BTBD10: variants seen among roughly 807,000 people sequenced by gnomAD.
BTBD10 encodes BTB/POZ domain-containing protein 10.
Under a neutral mutation model 53.2 loss-of-function variants are expected in BTBD10, and 21 were observed. The observed-to-expected ratio is 0.39, with a 90% CI of 0.28 to 0.57. The LOEUF (loss-of-function observed/expected upper bound fraction) is 0.57. Among genes scored for constraint, BTBD10 ranks in the 20% least tolerant of loss-of-function variants. The pLI is 0.53. For synonymous variants in BTBD10, 149 were observed against 192.7 expected (o/e 0.77, Z 1.88); for missense variants, 360 against 594.7 (o/e 0.61, Z 4.10).
At position 13,421,659 on chromosome 11, in the gene BTBD10, G is replaced by A. The variant is rs776567195; in HGVS notation, c.281C>T (p.Thr94Ile). The change falls in exon 3 of 9, where the codon ACA becomes ATA. Residue 94 changes from threonine (T) to isoleucine (I), a missense_variant. Thr to Ile is a moderately conservative substitution (Grantham distance 89, BLOSUM62 -1). This residue lies in a region of BTBD10 where 109 missense variants were observed against 118.6 expected (regional missense o/e 0.92). Coordinates refer to ENST00000278174, the MANE Select transcript of BTBD10 (RefSeq NM_032320.7). ...TPCIRNVTSP[T>I]RQHHVEREKD... ...TTACATACCAACATGGTGCTGTCGT[G>A]TTGGAGAAGTCACATTTCTAATACA... is the stretch of plus-strand genomic sequence containing the variant. 1 of 1,613,484 alleles carries A rather than the reference G, an allele frequency of 6.2e-7. No homozygotes were observed. The highest frequency in any genetic ancestry group is 8.5e-7 in the Non-Finnish European group (1 of 1,179,778).
At chr11:13,455,609 T>C (rs1260713347) in intron 1 of BTBD10, among the ~76,000 whole-genome samples, 2 of 152,174 alleles carry the variant, frequency 1.3e-5, no homozygotes, top group Non-Finnish European at 2.9e-5. Flanking sequence ...AATGTTTTAA[T>C]TTTCTACTAT....
At chr11:13,419,366 T>C in intron 4 of BTBD10, 94 bp downstream of exon 4, 1 of 1,469,418 alleles carries the variant, frequency 6.8e-7, no homozygotes, top group Non-Finnish European at 9.1e-7. Flanking sequence ...AATGTTACAT[T>C]TCAACAGAGA....
chr11:13,415,666 T>C (rs761516225), intron 5 of BTBD10, among the ~76,000 whole-genome samples: 3 of 152,154 alleles, frequency 2.0e-5, no homozygotes, highest in Non-Finnish European at 4.4e-5. Context: ...TGTACTTTTA[T>C]AGAATGTTAC....
At chr11:13,406,249 T>C (rs564248448) in intron 6 of BTBD10, among the ~76,000 whole-genome samples, 1 of 152,186 alleles carries the variant, frequency 6.6e-6, no homozygotes, top group South Asian at 2.1e-4. Flanking sequence ...AAAGGGTCAA[T>C]AGTCTTTAGA....
rs1376392288 is a variant in BTBD10 at position 13,388,512 on chromosome 11, T to C, written c.*319A>G. On this transcript the variant is annotated 3_prime_UTR_variant, in exon 9 of 9. Transcript: ENST00000278174. ...GATGAATATCAGTCCAAACTGAAAG[T>C]ACCCCAGCTGCCAATTTCCACCACT... 4.2e-6 allele frequency: 1 copy of C among 239,940 alleles called. No individual in the cohort carries two copies. The highest frequency in any genetic ancestry group is 4.9e-5 in the Admixed American group (1 of 20,258). The allele number at this position is 239,940 out of a possible 1,614,324, so 14.9% of individuals were successfully genotyped here.
At chr11:13,459,696 T>C (rs933949468) in intron 1 of BTBD10, 21 of 152,170 alleles carry the variant, frequency 1.4e-4, no homozygotes, top group African/African-American at 5.1e-4. Flanking sequence ...TCCATTTCCT[T>C]CTCCCTCATA....
chr11:13,395,317 G>GT (rs1172089020), intron 8 of BTBD10, among the ~76,000 whole-genome samples: 2 of 152,078 alleles, frequency 1.3e-5, no homozygotes, highest in African/African-American at 4.8e-5. Context: ...TTTTTCATGT[G>GT]TTTTTTGGCT....
At chr11:13,417,758 T>C (rs994970609) in intron 4 of BTBD10, among the ~76,000 whole-genome samples, 3 of 152,202 alleles carry the variant, frequency 2.0e-5, no homozygotes, top group Non-Finnish European at 2.9e-5. Flanking sequence ...ATCTTAACTA[T>C]AAATGTAACA....
intron 7 of BTBD10, 82 bp downstream of exon 7, chr11:13,405,577 T>C: frequency 1.4e-6 from 2 of 1,478,690 alleles, no homozygotes; most frequent in East Asian, 2.3e-5. Context: ...CCCAGGCTGG[T>C]CTATGAGAAG....
At chr11:13,425,793 T>G (rs1301313782) in intron 2 of BTBD10, among the ~76,000 whole-genome samples, 1 of 152,186 alleles carries the variant, frequency 6.6e-6, no homozygotes, top group East Asian at 1.9e-4. Flanking sequence ...CACCCTGAGT[T>G]GCTCACTACA....
intron 2 of BTBD10, among the ~76,000 whole-genome samples, chr11:13,440,469 T>C (rs1165814856): frequency 6.6e-6 from 1 of 152,224 alleles, no homozygotes; most frequent in Admixed American, 6.5e-5. Flanking sequence ...GCTAACTTTC[T>C]TTTTCCTTTC....
chr11:13,408,212 T>C (rs1949869790), intron 6 of BTBD10, among the ~76,000 whole-genome samples: 1 of 152,166 alleles, frequency 6.6e-6, no homozygotes, highest in Non-Finnish European at 1.5e-5. Flanking sequence ...TTCCATCCTC[T>C]TGCCTCCATC....
chr11:13,457,492 C>T (rs1950997007), intron 1 of BTBD10, among the ~76,000 whole-genome samples: 1 of 152,058 alleles, frequency 6.6e-6, no homozygotes, highest in Non-Finnish European at 1.5e-5. Context: ...CAGGTAGGTA[C>T]AGAACAAGCA....
intron 1 of BTBD10, among the ~76,000 whole-genome samples, chr11:13,447,330 C>T (rs1033451305): frequency 5.3e-5 from 8 of 152,112 alleles, no homozygotes; most frequent in African/African-American, 1.9e-4. Context: ...AATCATAACT[C>T]ACTGCAGTCT....
intron 2 of BTBD10, among the ~76,000 whole-genome samples, chr11:13,443,017 G>A (rs568594548): frequency 2.0e-5 from 3 of 151,876 alleles, no homozygotes; most frequent in African/African-American, 4.8e-5. Flanking sequence ...CAATTCACTG[G>A]TATTTATTTT....
chr11:13,405,423 C>G (rs112457077), intron 7 of BTBD10: 5 of 498,096 alleles, frequency 1.0e-5, no homozygotes, highest in African/African-American at 5.8e-5. Flanking sequence ...TTCTTCTGTA[C>G]AGGGACATAT....
rs1323836004 is a variant in BTBD10, at chr11:13,440,301, T to C, written c.101+4723A>G. 6.9e-6 allele frequency: 8 copies of C among 1,157,014 alleles called. No homozygotes were observed. In the East Asian group the frequency reaches 5.1e-4, roughly 73 times the overall value. The allele number at this position is 1,157,014 out of a possible 1,614,324, so 71.7% of individuals were successfully genotyped here. On this transcript the variant is annotated intron_variant, in intron 2 of 8. Transcript: ENST00000278174. ...GTGTGAGCTGTGATCGTCCCATTTC[T>C]CCATCTCTGAGCAGTGATTGGATAT...
chr11:13,456,251 A>G (rs1195336648), intron 1 of BTBD10, among the ~76,000 whole-genome samples: 3 of 152,230 alleles, frequency 2.0e-5, no homozygotes, highest in Non-Finnish European at 2.9e-5. Flanking sequence ...AACCAATAGA[A>G]GAGAATTAAA....
intron 3 of BTBD10, 68 bp downstream of exon 3, chr11:13,421,574 A>C: frequency 7.3e-7 from 1 of 1,377,522 alleles, no homozygotes; most frequent in South Asian, 1.3e-5. Context: ...ATTCAATGTC[A>C]TTACTACTTT....
Sources: gnomAD v4.1 joint callset for allele counts (sites outside exome capture counted in the v4.1 genomes callset) on GRCh38, gnomAD v4.1.1 for gene constraint, gnomAD v4.1.1 regional missense constraint, MANE v1.5 for transcripts, NCBI Gene and HGNC (gene_info 2026-07-23, HGNC 2026-07-21) for gene names.